Variants in TTLL5 observed in about 807,000 individuals in gnomAD.
TTLL5 encodes tubulin polyglutamylase TTLL5.
A neutral mutation model predicts 168.4 loss-of-function variants in TTLL5; 132 were observed. That is an observed-to-expected ratio of 0.78 (90% CI 0.68 to 0.91). The LOEUF is 0.91. Among genes scored for constraint, TTLL5 ranks in the 40% least tolerant of loss-of-function variants. The pLI is 0.00. For synonymous variants in TTLL5, 546 were observed against 558.6 expected (o/e 0.98, Z 0.32); for missense variants, 1,545 against 1,581.5 (o/e 0.98, Z 0.39).
intron 28 of TTLL5, among the ~76,000 whole-genome samples, chr14:75,860,896 G>C (rs2029923349): frequency 6.6e-6 from 1 of 152,026 alleles, no homozygotes; most frequent in African/African-American, 2.4e-5. Context: ...ATGTCATCCT[G>C]TTTTACTGTC....
At position 75,784,823 on chromosome 14, in the gene TTLL5, A is replaced by G. The variant is rs76647729; in HGVS notation, c.2986+1293A>G. ...TCTCTTTTTTGTGGTTATGATTTGC[A>G]TTTCCCTAATGGCTAATGATGTTGA... On this transcript the variant is annotated intron_variant, in intron 26 of 31. Transcript: ENST00000298832. Among the ~76,000 whole-genome samples the G allele has an allele frequency of 9.5e-3, 1,446 of 152,180 alleles. 27 individuals carry two copies. The highest frequency in any genetic ancestry group is 0.033 in the African/African-American group (1,378 of 41,518).
At chr14:75,913,556 A>C (rs1222321350) in intron 31 of TTLL5, among the ~76,000 whole-genome samples, 2 of 152,224 alleles carry the variant, frequency 1.3e-5, no homozygotes, top group Non-Finnish European at 2.9e-5. Context: ...GGGCTTAAGA[A>C]ATCCCAATTC....
At chr14:75,914,033 A>AAAAAAAAAAAAAAAAAATATATATAT in intron 31 of TTLL5, among the ~76,000 whole-genome samples, 1 of 71,100 alleles carries the variant, frequency 1.4e-5, no homozygotes, top group Admixed American at 1.8e-4. Flanking sequence ...AAAAAAAAAA[A>AAAAAAAAAAAAAAAAAATATATATAT]ATATATATAT....
chr14:75,928,651 C>A (rs1331753136), intron 31 of TTLL5, among the ~76,000 whole-genome samples: 1 of 151,856 alleles, frequency 6.6e-6, no homozygotes, highest in East Asian at 1.9e-4. Context: ...GAGAAAGTGG[C>A]ATGTGTGTTG....
chr14:75,721,313 A>G (rs917448841), intron 12 of TTLL5, among the ~76,000 whole-genome samples: 1 of 152,130 alleles, frequency 6.6e-6, no homozygotes, highest in Non-Finnish European at 1.5e-5. Context: ...CCTAGCTATA[A>G]TGGTAGCACT....
At chr14:75,890,167 C>T (rs767653233) in intron 30 of TTLL5, among the ~76,000 whole-genome samples, 4 of 152,068 alleles carry the variant, frequency 2.6e-5, no homozygotes, top group Admixed American at 6.6e-5. Flanking sequence ...TAGTAGCATC[C>T]GCCACACATA....
Position 75,863,927 on chromosome 14 carries a change from AAAAAAAAG to A in TTLL5, c.3522+66_3522+73del. ...TGCTGTTGGTAAAAAAAAAAAAAAA[AAAAAAAAG>A]GTCAGTGAATGAGAAATGTAGGATT... is the stretch of plus-strand genomic sequence containing the variant. On this transcript the variant is annotated intron_variant, in intron 29 of 31. Transcript: ENST00000298832. 11 of 1,307,422 alleles carry A rather than the reference AAAAAAAAG, an allele frequency of 8.4e-6. No individual in the cohort carries two copies. The African/African-American group carries it at 2.1e-4, about 25-fold the overall frequency. 81.0% of individuals were successfully genotyped at this position (1,307,422 alleles called of 1,614,324 possible).
chr14:75,904,300 G>T (rs1348916722), intron 31 of TTLL5: 1 of 1,025,494 alleles, frequency 9.8e-7, no homozygotes, highest in African/African-American at 1.7e-5. Flanking sequence ...GTTATGAACT[G>T]CGAAGTAATG....
intron 26 of TTLL5, among the ~76,000 whole-genome samples, chr14:75,791,577 G>T (rs1239404476): frequency 1.3e-5 from 2 of 152,066 alleles, no homozygotes; most frequent in African/African-American, 2.4e-5. Context: ...TTGATAAGGG[G>T]AGATTAGGAA....
At chr14:75,707,818 T>C in intron 9 of TTLL5, 111 bp downstream of exon 9, 2 of 919,912 alleles carry the variant, frequency 2.2e-6, no homozygotes, top group Non-Finnish European at 3.4e-6. Flanking sequence ...TTTTTACTTG[T>C]CATTACTGCT....
At chr14:75,701,203 G>C (rs1227968179) in intron 7 of TTLL5, among the ~76,000 whole-genome samples, 1 of 152,050 alleles carries the variant, frequency 6.6e-6, no homozygotes, top group Non-Finnish European at 1.5e-5. Context: ...ACAACCTTTT[G>C]TTGCATAATG....
At chr14:75,711,128 T>C (rs1012492791) in intron 9 of TTLL5, 2 of 152,242 alleles carry the variant, frequency 1.3e-5, no homozygotes, top group Non-Finnish European at 1.5e-5. Flanking sequence ...GTTGTCCTTA[T>C]TGTTTTATTA....
At position 75,674,629 on chromosome 14, in the gene TTLL5, A is replaced by G. The variant is rs368109332; in HGVS notation, c.181+5107A>G. ...CAAATTGTATGTACTTTAAATGTGT[A>G]AATGGGATTGTATTTTAGAGACAAC... is the stretch of plus-strand genomic sequence containing the variant. On this transcript the variant is annotated intron_variant, in intron 3 of 31. Coordinates refer to ENST00000298832, the MANE Select transcript of TTLL5 (RefSeq NM_015072.5). Among the ~76,000 whole-genome samples the G allele has an allele frequency of 5.3e-5, 8 of 152,208 alleles. No homozygotes were observed. In the East Asian group the frequency reaches 1.2e-3, roughly 22 times the overall value.
chr14:75,776,598 T>C (rs1167859381), intron 22 of TTLL5, 149 bp from the exon 23 acceptor site: 4 of 488,232 alleles, frequency 8.2e-6, no homozygotes, highest in Non-Finnish European at 1.5e-5. Context: ...ATGTCAAATT[T>C]ATAGGTGGCA....
intron 27 of TTLL5, among the ~76,000 whole-genome samples, chr14:75,803,471 A>C (rs904511426): frequency 6.6e-6 from 1 of 152,228 alleles, no homozygotes; most frequent in Non-Finnish European, 1.5e-5. Context: ...AGCAGCGGCC[A>C]CTTCAAAAAA....
At chr14:75,824,462 C>G (rs1260732147) in intron 28 of TTLL5, among the ~76,000 whole-genome samples, 1 of 152,092 alleles carries the variant, frequency 6.6e-6, no homozygotes, top group African/African-American at 2.4e-5. Flanking sequence ...GGGTCGTATG[C>G]TCAGTGAAGC....
intron 3 of TTLL5, among the ~76,000 whole-genome samples, chr14:75,676,073 CAG>C (rs1206141019): frequency 6.6e-6 from 1 of 152,072 alleles, no homozygotes; most frequent in Non-Finnish European, 1.5e-5. Flanking sequence ...ACCAGTCAGG[CAG>C]AGAGAGAGCA....
rs568242865 is a variant in TTLL5 at position 75,814,013 on chromosome 14, T to C, written c.3172-5994T>C. ...CTCCACTTTAATATCCTAATATAGG[T>C]TGAGTGTCCCTAATTTAAAAATCCA... On this transcript the variant is annotated intron_variant, in intron 27 of 31. Transcript: ENST00000298832. 3.3e-5 allele frequency among the ~76,000 whole-genome samples: 5 copies of C among 152,228 alleles called. No individual in the cohort carries two copies. In the South Asian group the frequency reaches 1.0e-3, roughly 32 times the overall value.
intron 27 of TTLL5, among the ~76,000 whole-genome samples, chr14:75,806,029 T>A (rs1427084744): frequency 6.6e-6 from 1 of 151,352 alleles, no homozygotes; most frequent in Non-Finnish European, 1.5e-5. Context: ...TCTGAAAGAT[T>A]CTTTTTTTTT....
Sources: allele counts gnomAD v4.1 joint callset (sites outside exome capture counted in the v4.1 genomes callset), GRCh38; gene constraint gnomAD v4.1.1; transcripts MANE v1.5; gene names NCBI Gene and HGNC (gene_info 2026-07-23, HGNC 2026-07-21).